The following CYB5R4 variants were observed in gnomAD, a reference collection of about 807,000 sequenced individuals.
CYB5R4 encodes cytochrome b5 reductase 4, also known as N-terminal cytochrome b5 and cytochrome b5 oxidoreductase domain-containing protein.
In CYB5R4, 55 loss-of-function variants were observed where a neutral mutation model predicts 70.2. The observed-to-expected ratio is 0.78, with a 90% CI of 0.63 to 0.98. CYB5R4 has a LOEUF of 0.98. Ranked by LOEUF, CYB5R4 falls within the 50% of genes least tolerant of loss-of-function variation. CYB5R4 has a pLI of 0.00. For missense variants in CYB5R4, 562 were observed against 612.6 expected, an observed-to-expected ratio of 0.92 and a Z score of 0.87; for synonymous variants, 197 against 199.5, an observed-to-expected ratio of 0.99 and a Z score of 0.11.
chr6:83,901,338 C>G (rs909088656), intron 3 of CYB5R4, among the ~76,000 whole-genome samples: 1 of 151,390 alleles, frequency 6.6e-6, no homozygotes, highest in African/African-American at 2.4e-5. Context: ...GATCAGCTGT[C>G]TGATGGGCTT....
At chr6:83,937,779 A>G (rs1356653877) in intron 12 of CYB5R4, among the ~76,000 whole-genome samples, 3 of 152,246 alleles carry the variant, frequency 2.0e-5, no homozygotes, top group East Asian at 3.8e-4. Flanking sequence ...TTGGCCTCCC[A>G]AAGTGCTGGG....
chr6:83,867,336 T>C (rs879532317), intron 2 of CYB5R4, among the ~76,000 whole-genome samples: 6 of 152,178 alleles, frequency 3.9e-5, no homozygotes, highest in Admixed American at 3.3e-4. Context: ...GGTTAATTGT[T>C]GGAGAATTAT....
chr6:83,859,990 A>G (rs1039694842), intron 1 of CYB5R4, 133 bp downstream of exon 1: 5 of 807,884 alleles, frequency 6.2e-6, no homozygotes, highest in African/African-American at 1.8e-5. Context: ...CTTGCCTGCA[A>G]CCTCTTTCTG....
intron 4 of CYB5R4, among the ~76,000 whole-genome samples, chr6:83,909,456 A>G (rs2099464331): frequency 6.6e-6 from 1 of 152,200 alleles, no homozygotes; most frequent in Admixed American, 6.5e-5. Context: ...CCCATTTGCC[A>G]TGGACCTTCC....
chr6:83,958,217 A>G (rs904475929), intron 15 of CYB5R4, among the ~76,000 whole-genome samples: 3 of 152,206 alleles, frequency 2.0e-5, no homozygotes, highest in Non-Finnish European at 4.4e-5. Flanking sequence ...TTCTTTATCC[A>G]TTAAATATGT....
chr6:83,940,382 T>G (rs2099469556), intron 13 of CYB5R4, 133 bp from the exon 14 acceptor site: 1 of 1,079,086 alleles, frequency 9.3e-7, no homozygotes, highest in African/African-American at 1.6e-5. Context: ...TTTTATCTCA[T>G]TTCAGTTTTT....
At chr6:83,937,488 G>T (rs2099469102) in intron 12 of CYB5R4, among the ~76,000 whole-genome samples, 1 of 152,040 alleles carries the variant, frequency 6.6e-6, no homozygotes, top group Admixed American at 6.5e-5. Flanking sequence ...ATGGCAGTTG[G>T]TACATAATAG....
intron 2 of CYB5R4, among the ~76,000 whole-genome samples, chr6:83,874,979 A>T (rs56907108): frequency 0.16 from 23,957 of 151,668 alleles, 3,745 homozygotes; most frequent in African/African-American, 0.39. Context: ...TGCACCACCA[A>T]GCCCAGCTAA....
chr6:83,874,914 C>T (rs2099458275), intron 2 of CYB5R4, among the ~76,000 whole-genome samples: 1 of 152,026 alleles, frequency 6.6e-6, no homozygotes, highest in Admixed American at 6.5e-5. Context: ...CCTCCGCCTC[C>T]CAGGTTCAAA....
intron 3 of CYB5R4, among the ~76,000 whole-genome samples, chr6:83,907,637 A>G (rs978880705): frequency 6.6e-6 from 1 of 151,424 alleles, no homozygotes; most frequent in Non-Finnish European, 1.5e-5. Flanking sequence ...CCTCCTCCCA[A>G]CCTCCACCCT....
At chr6:83,861,288 A>G (rs1373799842) in intron 1 of CYB5R4, among the ~76,000 whole-genome samples, 1 of 152,208 alleles carries the variant, frequency 6.6e-6, no homozygotes, top group Non-Finnish European at 1.5e-5. Context: ...AATTCTAAGG[A>G]AAAGTCAGAC....
At chr6:83,913,333 A>G (rs2099464995) in intron 4 of CYB5R4, among the ~76,000 whole-genome samples, 1 of 152,214 alleles carries the variant, frequency 6.6e-6, no homozygotes, top group South Asian at 2.1e-4. Context: ...AGGAAATATT[A>G]ACTCCTGGAT....
At chr6:83,913,811 C>T (rs900951933) in intron 4 of CYB5R4, among the ~76,000 whole-genome samples, 3 of 151,938 alleles carry the variant, frequency 2.0e-5, no homozygotes, top group Admixed American at 6.6e-5. Context: ...AATGGTATAA[C>T]ACTTGTGGAT....
chr6:83,893,015 T>C (rs2099461366), intron 2 of CYB5R4, among the ~76,000 whole-genome samples: 1 of 152,202 alleles, frequency 6.6e-6, no homozygotes, highest in African/African-American at 2.4e-5. Context: ...TGAACAACCT[T>C]GAATGTTAGT....
intron 3 of CYB5R4, among the ~76,000 whole-genome samples, chr6:83,895,922 C>T (rs192514329): frequency 6.1e-4 from 93 of 152,218 alleles, no homozygotes; most frequent in Admixed American, 1.6e-3. Flanking sequence ...TAGTAATTTC[C>T]TTATTGTCCT....
chr6:83,930,801 C>T (rs2099468024), intron 10 of CYB5R4, among the ~76,000 whole-genome samples: 1 of 151,720 alleles, frequency 6.6e-6, no homozygotes, highest in Non-Finnish European at 1.5e-5. Context: ...AAAAAAGATT[C>T]CTTTCAAATT....
chr6:83,919,503 T>C, intron 7 of CYB5R4, 49 bp downstream of exon 7: 2 of 1,015,056 alleles, frequency 2.0e-6, no homozygotes, highest in South Asian at 1.7e-5. Context: ...AAATGTTAAT[T>C]TATGTACCAG....
chr6:83,884,420 G>T (rs1178698701), intron 2 of CYB5R4, among the ~76,000 whole-genome samples: 2 of 151,924 alleles, frequency 1.3e-5, no homozygotes, highest in East Asian at 1.9e-4. Context: ...ATGAGGCAAA[G>T]AATCTTACCA....
At position 83,959,848 on chromosome 6, in the gene CYB5R4, C is replaced by T. The variant is rs756184357; in HGVS notation, c.1536C>T (p.Ser512=). Residue 512 remains serine (S), a synonymous_variant, in exon 16 of 16, where the codon TCC becomes TCT. Coordinates refer to ENST00000369681, the MANE Select transcript of CYB5R4 (RefSeq NM_016230.4). The stretch of plus-strand genomic sequence containing the variant: ...GGTTGCTGCATGATCTCAACTTTTC[C>T]AAAAATGAGATCCATAGTTTTACAG... ...GVRLLHDLNF[S]KNEIHSFTA The T allele has an allele frequency of 5.6e-6, 9 of 1,599,930 alleles. No individual in the cohort carries two copies. The highest frequency in any genetic ancestry group is 7.7e-6 in the Non-Finnish European group (9 of 1,174,240).
Sources: allele counts gnomAD v4.1 joint callset (sites outside exome capture counted in the v4.1 genomes callset), GRCh38; gene constraint gnomAD v4.1.1; transcripts MANE v1.5; gene names NCBI Gene and HGNC (gene_info 2026-07-23, HGNC 2026-07-21).